The following PLXNB2 variants were observed in gnomAD, a reference collection of about 807,000 sequenced individuals.
The protein encoded by PLXNB2 is plexin-B2.
In PLXNB2, 85 loss-of-function variants were observed where a neutral mutation model predicts 202.6. The observed-to-expected ratio is 0.42, with a 90% CI of 0.35 to 0.50. PLXNB2 has a LOEUF of 0.50. Among genes scored for constraint, PLXNB2 ranks in the 20% least tolerant of loss-of-function variants. PLXNB2 has a pLI of 0.02. For synonymous variants in PLXNB2, 1,239 were observed against 1,137.6 expected, an observed-to-expected ratio of 1.09 and a Z score of -1.79; for missense variants, 2,063 against 2,586.2, an observed-to-expected ratio of 0.80 and a Z score of 4.39.
Position 50,279,691 on chromosome 22 carries a change from T to G in PLXNB2, c.4328A>C (p.Lys1443Thr), listed in dbSNP as rs764463882. ...CGTGTCGTTGAGAGTGTACTTGGCC[T>G]TCTTCTGTACCGCATCCACCGGGCC... ...EKGPVDAVQK[K>T]AKYTLNDTGL... Residue 1443 changes from lysine (K) to threonine (T), a missense_variant, in exon 27 of 37, where the codon AAG becomes ACG. Around this residue, in one of 2 missense-constraint regions of PLXNB2, gnomAD observed 760 missense variants for 1,109.4 expected, o/e 0.69. Transcript: ENST00000359337. 12 of 1,613,878 alleles carry G rather than the reference T, an allele frequency of 7.4e-6. No individual in the cohort carries two copies. The highest frequency in any genetic ancestry group is 1.6e-4 in the Middle Eastern group (1 of 6,082).
chr22:50,282,003 C>T lies in PLXNB2; in HGVS notation c.3196G>A (p.Ala1066Thr), dbSNP rs1300753731. The change falls in exon 20 of 37, where the codon GCC (alanine) becomes ACC (threonine). Residue 1066 changes from alanine to threonine, a missense_variant. This residue lies in a region of PLXNB2 where 760 missense variants were observed against 1,109.4 expected (regional missense o/e 0.69). Transcript: ENST00000359337. ...LSPAVPEEPE[A>T]YNLTVLIEMD... is the part of the protein sequence containing the mutation. ...TCGATCAGCACCGTGAGGTTGTAGG[C>T]CTCTGGCTCCTCAGGCACAGCCGGG... is the stretch of plus-strand genomic sequence containing the variant. The T allele has an allele frequency of 1.2e-6, 2 of 1,613,006 alleles. No individual in the cohort carries two copies. Among genetic ancestry groups the T allele is most frequent in the East Asian group, 2.2e-5 (1 of 44,890 alleles).
chr22:50,283,921 C>T lies in PLXNB2; in HGVS notation c.2333G>A (p.Arg778Lys). 4.4e-6 allele frequency: 7 copies of T among 1,574,616 alleles called. No homozygotes were observed. The highest frequency in any genetic ancestry group is 6.0e-6 in the Non-Finnish European group (7 of 1,161,274). Residue 778 changes from arginine (R) to lysine (K), a missense_variant, in exon 14 of 37, where the codon AGG becomes AAG. By Grantham distance (26) the Arg-to-Lys change is conservative. This residue lies in a region of PLXNB2 where 1,303 missense variants were observed against 1,476.8 expected (regional missense o/e 0.88). Transcript: ENST00000359337. ...GCTCTGGCCCCCGCACCACGCACAC[C>T]TGTAGTCGGGGTTAGCGGCCCGGCA... is the stretch of plus-strand genomic sequence containing the variant. ...SLCRAANPDY[R>K]CAWCGGQSRC...
In PLXNB2 at chr22:50,281,932, G is replaced by A. The variant is rs191961835; in HGVS notation, c.3267C>T (p.Phe1089=). 270 of 1,613,112 alleles carry A rather than the reference G, an allele frequency of 1.7e-4. No individual in the cohort carries two copies. Among genetic ancestry groups the A allele is most frequent in the South Asian group, 3.4e-4 (31 of 91,088 alleles). ...RALLRTEAGA[F]EYVPDPTFEN... is the part of the protein sequence containing the mutation. ...CAAAGGTGGGGTCAGGCACGTACTC[G>A]AAGGCCCCGGCCTCTGTTCTGAGCA... The change falls in exon 20 of 37, where the codon TTC becomes TTT. Residue 1089 remains phenylalanine (F), a synonymous_variant. Transcript: ENST00000359337.
chr22:50,288,063 A>T lies in PLXNB2; in HGVS notation c.1381-26T>A, dbSNP rs774318555. The T allele has an allele frequency of 2.9e-5, 45 of 1,525,570 alleles. No homozygotes were observed. The African/African-American group carries it at 5.7e-4, about 19-fold the overall frequency. 94.5% of individuals were successfully genotyped at this position (1,525,570 alleles called of 1,614,324 possible). ...CTAGGGCAGCGGGGCCGTGAGTGGG[A>T]CCACAGCAGAGGCCGCACGGGCCTT... On this transcript the variant is annotated intron_variant, in intron 5 of 36. Coordinates refer to ENST00000359337, the MANE Select transcript of PLXNB2 (RefSeq NM_012401.4). This position sits in a 1 kb window ranked among gnomAD's most constrained non-coding sequence, Gnocchi z 5.0.
chr22:50,284,497 A>C lies in PLXNB2; in HGVS notation c.2181+76T>G. On this transcript the variant is annotated intron_variant, in intron 12 of 36. Coordinates refer to ENST00000359337, the MANE Select transcript of PLXNB2 (RefSeq NM_012401.4). The surrounding 1 kb of genome is among the most constrained non-coding windows in gnomAD (Gnocchi z 8.0). ...GTCTCCCTGCTGCCCCTCCCCTCACAGTCCTGAAGGTGACCCCCCACCCCA... is the reference window on the plus strand; with the variant it reads ...GTCTCCCTGCTGCCCCTCCCCTCACCGTCCTGAAGGTGACCCCCCACCCCA... 1.8e-6 allele frequency: 2 copies of C among 1,103,442 alleles called. No homozygotes were observed. Among genetic ancestry groups the C allele is most frequent in the Non-Finnish European group, 2.7e-6 (2 of 745,682 alleles). The allele number at this position is 1,103,442 out of a possible 1,614,324, so 68.4% of individuals were successfully genotyped here.
intron 1 of PLXNB2, among the ~76,000 whole-genome samples, chr22:50,307,254 G>A (rs1321533720): frequency 1.3e-5 from 2 of 152,044 alleles, no homozygotes; most frequent in African/African-American, 4.8e-5. Context: ...CTCGGCGGCT[G>A]AAGAGTGAGA....
rs149176335 is a variant in PLXNB2 at position 50,279,675 on chromosome 22, G to A, written c.4344C>T (p.Leu1448=). Residue 1448 remains leucine, a synonymous_variant, in exon 27 of 37, where the codon CTC becomes CTT. Transcript: ENST00000359337. ...DAVQKKAKYT[L]NDTGLLGDDV... ...CATCCCCCAGCAGCCCCGTGTCGTTGAGAGTGTACTTGGCCTTCTTCTGTA... is the reference window on the plus strand; with the variant it reads ...CATCCCCCAGCAGCCCCGTGTCGTTAAGAGTGTACTTGGCCTTCTTCTGTA... The A allele has an allele frequency of 1.2e-6, 2 of 1,614,016 alleles. No individual in the cohort carries two copies. The highest frequency in any genetic ancestry group is 1.7e-6 in the Non-Finnish European group (2 of 1,179,978).
rs746916579 is a variant in PLXNB2, at chr22:50,279,002, C to G, written c.4399G>C (p.Val1467Leu). The G allele has an allele frequency of 2.5e-6, 4 of 1,607,300 alleles. No homozygotes were observed. The highest frequency in any genetic ancestry group is 3.4e-6 in the Non-Finnish European group (4 of 1,175,880). Residue 1467 changes from valine (V) to leucine (L), a missense_variant, in exon 28 of 37, where the codon GTG becomes CTG. Val to Leu is a conservative substitution (Grantham distance 32, BLOSUM62 1). Transcript: ENST00000359337. ...DVEYAPLTVS[V>L]IVQDEGVDAI... ...TCCACTCCCTCGTCCTGCACGATCA[C>G]GCTCACCGTCTGCCGAGACATCCGG...
In PLXNB2 at chr22:50,283,821, C is replaced by T. The variant is rs529122127; in HGVS notation, c.2421+12G>A. 7 of 1,610,380 alleles carry T rather than the reference C, an allele frequency of 4.3e-6. No homozygotes were observed. Among genetic ancestry groups the T allele is most frequent in the South Asian group, 3.3e-5 (3 of 90,862 alleles). ...ACGAGGGAAGGTGTAGGCCAGGCTT[C>T]GAGGGGCTCACCCTGGTGATGACGG... On this transcript the variant is annotated intron_variant, in intron 14 of 36. Transcript: ENST00000359337.
chr22:50,296,059 G>A (rs888798103), intron 1 of PLXNB2, among the ~76,000 whole-genome samples: 5 of 151,938 alleles, frequency 3.3e-5, no homozygotes, highest in South Asian at 2.1e-4. Context: ...CCGAGATCGC[G>A]CCACTGCACT....
At chr22:50,300,322 C>T in intron 1 of PLXNB2, 6 of 985,390 alleles carry the variant, frequency 6.1e-6, no homozygotes, top group Non-Finnish European at 7.2e-6. Flanking sequence ...TTACCTAAGT[C>T]CTCCGAGCCG....
At chr22:50,280,266 G>A (rs1252309480) in intron 25 of PLXNB2, among the ~76,000 whole-genome samples, 195 bp from the exon 26 acceptor site, 1 of 152,214 alleles carries the variant, frequency 6.6e-6, no homozygotes, top group Admixed American at 6.5e-5. Context: ...TCTGCAGAGG[G>A]CTGACACTGT....
chr22:50,278,934 C>T lies in PLXNB2; in HGVS notation c.4467G>A (p.Gln1489=), dbSNP rs368984241. Residue 1489 remains glutamine (Q), a synonymous_variant, in exon 28 of 37, where the codon CAG becomes CAA. Coordinates refer to ENST00000359337, the MANE Select transcript of PLXNB2 (RefSeq NM_012401.4). ...VKVLNCDTIS[Q]VKEKIIDQVY... Reference sequence around the variant, plus strand: ...CCTGGTCAATGATCTTCTCCTTGACCTGGGAGATGGTGTCACAGTTGAGGA... The same window carrying T: ...CCTGGTCAATGATCTTCTCCTTGACTTGGGAGATGGTGTCACAGTTGAGGA... 5.1e-5 allele frequency: 83 copies of T among 1,613,678 alleles called. No homozygotes were observed. The highest frequency in any genetic ancestry group is 6.2e-5 in the Non-Finnish European group (73 of 1,179,930).
chr22:50,292,373 C>A (rs993474012), intron 2 of PLXNB2, among the ~76,000 whole-genome samples: 2 of 144,662 alleles, frequency 1.4e-5, no homozygotes, highest in Admixed American at 6.9e-5. Flanking sequence ...TTTAAGTGTA[C>A]AAAGAACAAG....
chr22:50,276,649 G>A lies in PLXNB2; in HGVS notation c.5317C>T (p.His1773Tyr). The A allele has an allele frequency of 2.5e-6, 4 of 1,613,708 alleles. No homozygotes were observed. The highest frequency in any genetic ancestry group is 3.4e-6 in the Non-Finnish European group (4 of 1,179,726). The change falls in exon 35 of 37, where the codon CAC becomes TAC. Residue 1773 changes from histidine to tyrosine, a missense_variant. Around this residue, in one of 2 missense-constraint regions of PLXNB2, gnomAD observed 760 missense variants for 1,109.4 expected, o/e 0.69. Transcript: ENST00000359337. ...VQVSDQDMNT[H>Y]LAEISRAHTD... ...CTTACCCGGGAAATCTCTGCCAGGT[G>A]TGTGTTCATGTCCTGGTCGCTGACC...
At chr22:50,283,523 C>T (rs2066180127) in intron 15 of PLXNB2, 78 bp from the exon 16 acceptor site, 2 of 1,558,584 alleles carry the variant, frequency 1.3e-6, no homozygotes, top group Non-Finnish European at 1.7e-6. Flanking sequence ...CCTCAGCCTC[C>T]CCACCCACCC....
chr22:50,293,042 T>C (rs2066998480), intron 2 of PLXNB2, among the ~76,000 whole-genome samples: 1 of 152,152 alleles, frequency 6.6e-6, no homozygotes, highest in African/African-American at 2.4e-5. Context: ...CCTGGCCGAC[T>C]GGTGGCAGAG....
chr22:50,290,968 A>G (rs986437895), intron 2 of PLXNB2, among the ~76,000 whole-genome samples: 2 of 152,050 alleles, frequency 1.3e-5, no homozygotes, highest in Non-Finnish European at 2.9e-5. Flanking sequence ...CTGTGACCCC[A>G]AGGAGCTCCA....
chr22:50,287,614 C>T, intron 7 of PLXNB2, 53 bp downstream of exon 7: 1 of 1,488,040 alleles, frequency 6.7e-7, no homozygotes, highest in African/African-American at 1.4e-5. Flanking sequence ...TGGGGGAGCC[C>T]CCACCTGGCC....
Sources: gnomAD v4.1 joint callset for allele counts (sites outside exome capture counted in the v4.1 genomes callset) on GRCh38, gnomAD v4.1.1 for gene constraint, gnomAD v4.1.1 regional missense constraint, Gnocchi (gnomAD v3.1) non-coding constraint, MANE v1.5 for transcripts, NCBI Gene and HGNC (gene_info 2026-07-23, HGNC 2026-07-21) for gene names.